ITFG1: variants seen among roughly 807,000 people sequenced by gnomAD.
ITFG1 encodes the protein integrin alpha FG-GAP repeat containing 1.
A neutral mutation model predicts 81.8 loss-of-function variants in ITFG1; 34 were observed. The observed-to-expected ratio is 0.42, with a 90% CI of 0.32 to 0.55. The LOEUF is 0.55. ITFG1 is among the 20% of genes least tolerant of loss of function. The probability of loss-of-function intolerance (pLI) is 0.17; values close to 1 mark genes in which losing one functional copy is unlikely to be tolerated. For missense variants in ITFG1, 672 were observed against 755.4 expected (o/e 0.89, Z 1.29); for synonymous variants, 285 against 270.6 (o/e 1.05, Z -0.52).
intron 12 of ITFG1, among the ~76,000 whole-genome samples, chr16:47,258,307 T>C (rs1966162583): frequency 6.6e-6 from 1 of 152,204 alleles, no homozygotes; most frequent in Non-Finnish European, 1.5e-5. Flanking sequence ...TCTCACAGAA[T>C]GCAAAGCCTG....
chr16:47,331,959 C>T (rs530169964), intron 8 of ITFG1, among the ~76,000 whole-genome samples: 22 of 152,166 alleles, frequency 1.4e-4, no homozygotes, highest in African/African-American at 5.3e-4. Context: ...CTCAAATACC[C>T]CAAATATTAT....
At chr16:47,161,855 T>C in intron 15 of ITFG1, 23 bp from the exon 16 acceptor site, 1 of 1,329,668 alleles carries the variant, frequency 7.5e-7, no homozygotes, top group Non-Finnish European at 1.1e-6. Flanking sequence ...TTTAAGAACA[T>C]TTAACATTCA....
At chr16:47,423,727 A>C (rs893359454) in intron 6 of ITFG1, among the ~76,000 whole-genome samples, 1 of 151,928 alleles carries the variant, frequency 6.6e-6, no homozygotes, top group Non-Finnish European at 1.5e-5. Context: ...TCTGGGTTGA[A>C]AATTCTTTAA....
rs538874585 is a variant in ITFG1 at position 47,290,356 on chromosome 16, T to A, written c.1070+20884A>T. Among the ~76,000 whole-genome samples the A allele has an allele frequency of 9.2e-5, 14 of 152,278 alleles. No homozygotes were observed. The South Asian group carries it at 2.9e-3, about 32-fold the overall frequency. On this transcript the variant is annotated intron_variant, in intron 10 of 17. Coordinates refer to ENST00000320640, the MANE Select transcript of ITFG1 (RefSeq NM_030790.5). ...GGTCTAAAGGACAATCTGAAAGCAA[T>A]GTTTTTGTTGGTTTTATGTCCAGAT...
rs187656425 is a variant in ITFG1, at chr16:47,324,926, G to A, written c.803-11103C>T. On this transcript the variant is annotated intron_variant, in intron 8 of 17. Transcript: ENST00000320640. The stretch of plus-strand genomic sequence containing the variant: ...CACTGTCAACATTAGACAGATCAGC[G>A]AGACAGAAAGTCAAAAGGATACCCA... Among the ~76,000 whole-genome samples, 175 of 152,232 alleles carry A rather than the reference G, an allele frequency of 1.1e-3. 1 individual carries two copies. The highest frequency in any genetic ancestry group is 4.1e-3 in the African/African-American group (169 of 41,532).
chr16:47,379,362 T>C (rs916104221), intron 6 of ITFG1, among the ~76,000 whole-genome samples: 3 of 152,116 alleles, frequency 2.0e-5, no homozygotes, highest in Admixed American at 6.5e-5. Flanking sequence ...CAATAGTTGA[T>C]ACCAAAAGTG....
Position 47,162,679 on chromosome 16 carries a change from T to A in ITFG1, c.1454-15A>T. On this transcript the variant is annotated splice_polypyrimidine_tract_variant and intron_variant, in intron 14 of 17. Coordinates refer to ENST00000320640, the MANE Select transcript of ITFG1 (RefSeq NM_030790.5). ...GAGTTGGCCAGCTAGAGTTATTCAATTAAAAAAAAATTAAAAACATCTCTG... is the reference window on the plus strand; with the variant it reads ...GAGTTGGCCAGCTAGAGTTATTCAAATAAAAAAAAATTAAAAACATCTCTG... 1 of 1,564,442 alleles carries A rather than the reference T, an allele frequency of 6.4e-7. No homozygotes were observed.
chr16:47,302,437 C>T (rs1017566887), intron 10 of ITFG1, among the ~76,000 whole-genome samples: 1 of 151,178 alleles, frequency 6.6e-6, no homozygotes, highest in African/African-American at 2.4e-5. Context: ...AATGATTATA[C>T]TATTGAGAGG....
At chr16:47,407,122 T>C (rs1451785929) in intron 6 of ITFG1, among the ~76,000 whole-genome samples, 1 of 152,144 alleles carries the variant, frequency 6.6e-6, no homozygotes, top group African/African-American at 2.4e-5. Context: ...CTGGAAGATT[T>C]TGGGAAGAGT....
chr16:47,214,290 T>C (rs1279520896), intron 14 of ITFG1, among the ~76,000 whole-genome samples: 1 of 152,246 alleles, frequency 6.6e-6, no homozygotes, highest in Non-Finnish European at 1.5e-5. Flanking sequence ...AGGTTACTTA[T>C]GTTTTTCTCA....
At chr16:47,193,221 ATT>A (rs1329375114) in intron 14 of ITFG1, among the ~76,000 whole-genome samples, 2 of 145,518 alleles carry the variant, frequency 1.4e-5, no homozygotes, top group African/African-American at 2.5e-5. Flanking sequence ...TATTAAAAAA[ATT>A]TTTTTTTTTT....
intron 8 of ITFG1, among the ~76,000 whole-genome samples, chr16:47,364,664 T>C (rs1968152302): frequency 6.6e-6 from 1 of 152,186 alleles, no homozygotes. Context: ...AAAATTAACA[T>C]AATATTCAAT....
At chr16:47,208,416 T>C (rs935048617) in intron 14 of ITFG1, among the ~76,000 whole-genome samples, 1 of 152,244 alleles carries the variant, frequency 6.6e-6, no homozygotes, top group Admixed American at 6.5e-5. Context: ...AGCTATTATT[T>C]ATTCCCAGAG....
At chr16:47,427,359 A>G (rs1438585879) in intron 6 of ITFG1, among the ~76,000 whole-genome samples, 1 of 152,164 alleles carries the variant, frequency 6.6e-6, no homozygotes, top group Non-Finnish European at 1.5e-5. Context: ...CACCCACAAA[A>G]GAATTCTGAT....
chr16:47,361,695 G>A (rs888996488), intron 8 of ITFG1, among the ~76,000 whole-genome samples: 7 of 152,062 alleles, frequency 4.6e-5, no homozygotes, highest in African/African-American at 1.7e-4. Context: ...TATGACTAAG[G>A]GACTGCTCTA....
intron 14 of ITFG1, among the ~76,000 whole-genome samples, chr16:47,171,155 C>T (rs932037714): frequency 8.6e-5 from 13 of 151,156 alleles, no homozygotes; most frequent in East Asian, 2.0e-4. Flanking sequence ...GCTAGGACTA[C>T]GGGTGCATGC....
chr16:47,181,725 T>C (rs1455513661), intron 14 of ITFG1, among the ~76,000 whole-genome samples: 1 of 151,720 alleles, frequency 6.6e-6, no homozygotes, highest in African/African-American at 2.4e-5. Flanking sequence ...ACAATGGCGG[T>C]TTTGTGGAAT....
Position 47,375,883 on chromosome 16 carries a change from T to C in ITFG1, c.713A>G (p.Glu238Gly). Reference protein sequence around the residue: ...TTSTFQFEIWENLDGNFSVST... With the variant: ...TTSTFQFEIWGNLDGNFSVST... The stretch of plus-strand genomic sequence containing the variant: ...AAGGAAAAGATTTCTTACCAAATTT[T>C]CCCATATTTCAAACTGGAAGGTACT... The change falls in exon 7 of 18, where the codon GAA becomes GGA. Residue 238 changes from glutamate (E) to glycine (G), a missense_variant. Around this residue, in one of 3 missense-constraint regions of ITFG1, gnomAD observed 560 missense variants for 625.7 expected, o/e 0.90. Coordinates refer to ENST00000320640, the MANE Select transcript of ITFG1 (RefSeq NM_030790.5). The C allele has an allele frequency of 6.3e-7, 1 of 1,588,376 alleles. No homozygotes were observed. The highest frequency in any genetic ancestry group is 8.6e-7 in the Non-Finnish European group (1 of 1,156,840).
intron 6 of ITFG1, among the ~76,000 whole-genome samples, chr16:47,424,413 C>T (rs1325480225): frequency 6.6e-6 from 1 of 152,166 alleles, no homozygotes; most frequent in Admixed American, 6.5e-5. Context: ...TATTAACGAT[C>T]TTCTGAAGCC....
Sources: gnomAD v4.1 joint callset for allele counts (sites outside exome capture counted in the v4.1 genomes callset) on GRCh38, gnomAD v4.1.1 for gene constraint, gnomAD v4.1.1 regional missense constraint, MANE v1.5 for transcripts, NCBI Gene and HGNC (gene_info 2026-07-23, HGNC 2026-07-21) for gene names.